ENKUR: variants seen among roughly 807,000 people sequenced by gnomAD.
ENKUR encodes the protein enkurin, TRPC channel interacting protein, also known as enkurin.
Under a neutral mutation model 27.6 loss-of-function variants are expected in ENKUR, and 19 were observed. The ratio of observed to expected loss-of-function variants is 0.69; its 90% CI spans 0.48 to 1.01. ENKUR has a LOEUF of 1.01. Among genes scored for constraint, ENKUR ranks in the 50% least tolerant of loss-of-function variants. The pLI, the probability that ENKUR is intolerant of heterozygous loss-of-function variation, is 0.00. For missense variants in ENKUR, 312 were observed against 310.5 expected, an observed-to-expected ratio of 1.00 and a Z score of -0.04; for synonymous variants, 117 against 96.9, an observed-to-expected ratio of 1.21 and a Z score of -1.22.
intron 1 of ENKUR, among the ~76,000 whole-genome samples, chr10:25,008,183 CATA>C (rs902748792): frequency 4.6e-5 from 7 of 151,994 alleles, no homozygotes; most frequent in Non-Finnish European, 8.8e-5. Context: ...TAACACTACT[CATA>C]ATACTAAGAG....
At chr10:25,028,249 C>T (rs1167481979) in intron 2 of ENKUR, among the ~76,000 whole-genome samples, 2 of 152,148 alleles carry the variant, frequency 1.3e-5, no homozygotes, top group Non-Finnish European at 2.9e-5. Context: ...CACTTTTTCT[C>T]AAAACCAACT....
intron 1 of ENKUR, among the ~76,000 whole-genome samples, chr10:25,003,989 A>C (rs1252340096): frequency 6.6e-6 from 1 of 152,230 alleles, no homozygotes; most frequent in Non-Finnish European, 1.5e-5. Flanking sequence ...GTATTACTGC[A>C]GCACTATTGT....
intron 2 of ENKUR, chr10:25,023,125 A>T: frequency 8.4e-7 from 1 of 1,184,676 alleles, no homozygotes; most frequent in Non-Finnish European, 1.2e-6. Flanking sequence ...TACTGTAATT[A>T]GTAACCAAAT....
chr10:25,015,894 G>C lies in ENKUR; in HGVS notation c.43C>G (p.Pro15Ala). Residue 15 changes from proline (P) to alanine (A), a missense_variant, in exon 1 of 6, where the codon CCC becomes GCC. Transcript: ENST00000331161. ...TGGGGAGGCTCCTTCAAGTCACTGGGTATGAGGTTATAAATGCACTCAGAA... is the reference window on the plus strand; with the variant it reads ...TGGGGAGGCTCCTTCAAGTCACTGGCTATGAGGTTATAAATGCACTCAGAA... ...CSSECIYNLI[P>A]SDLKEPPQPP... The C allele has an allele frequency of 6.2e-7, 1 of 1,607,588 alleles. No individual in the cohort carries two copies. Among genetic ancestry groups the C allele is most frequent in the Non-Finnish European group, 8.5e-7 (1 of 1,176,810 alleles).
chr10:24,988,957 T>C (rs1040313787), intron 4 of ENKUR, among the ~76,000 whole-genome samples: 7 of 151,724 alleles, frequency 4.6e-5, no homozygotes, highest in Non-Finnish European at 1.0e-4. Flanking sequence ...GCTCCCTGGC[T>C]CATAAGGCGT....
At chr10:25,044,816 C>T (rs1851104909) in intron 2 of ENKUR, among the ~76,000 whole-genome samples, 1 of 152,182 alleles carries the variant, frequency 6.6e-6, no homozygotes. Context: ...GGAGTCTTGC[C>T]TTGTACATGC....
chr10:24,992,878 C>T (rs944843970), intron 3 of ENKUR, among the ~76,000 whole-genome samples: 3 of 152,148 alleles, frequency 2.0e-5, no homozygotes, highest in Non-Finnish European at 4.4e-5. Flanking sequence ...TGAGACAGGC[C>T]AATCCACTTC....
chr10:25,003,742 G>A (rs905065360), intron 1 of ENKUR, among the ~76,000 whole-genome samples: 1 of 152,068 alleles, frequency 6.6e-6, no homozygotes, highest in African/African-American at 2.4e-5. Flanking sequence ...CATGCATTAC[G>A]GGGGTTTGTT....
At chr10:25,060,651 C>T (rs1292175609) in intron 2 of ENKUR, among the ~76,000 whole-genome samples, 1 of 152,134 alleles carries the variant, frequency 6.6e-6, no homozygotes, top group East Asian at 1.9e-4. Context: ...AGACTTCACT[C>T]TGTTGGCAGG....
chr10:25,061,078 G>A (rs1851320849), intron 2 of ENKUR: 1 of 1,534,432 alleles, frequency 6.5e-7, no homozygotes, highest in South Asian at 1.2e-5. Context: ...CTGCCCAGAT[G>A]CAAAACCTGT....
intron 2 of ENKUR, among the ~76,000 whole-genome samples, chr10:25,032,093 T>G (rs1245773355): frequency 2.6e-5 from 4 of 152,226 alleles, no homozygotes; most frequent in African/African-American, 7.2e-5. Flanking sequence ...CTCAAGTGTT[T>G]AGTGATCTTC....
At chr10:25,010,004 C>T (rs1275952588) in intron 1 of ENKUR, among the ~76,000 whole-genome samples, 1 of 152,072 alleles carries the variant, frequency 6.6e-6, no homozygotes, top group East Asian at 1.9e-4. Context: ...TGGGATGCTG[C>T]TATAAAGATA....
intron 1 of ENKUR, among the ~76,000 whole-genome samples, chr10:25,003,173 A>ATTTATTT (rs1564340693): frequency 4.1e-5 from 6 of 145,530 alleles, no homozygotes; most frequent in Admixed American, 1.4e-4. Flanking sequence ...TTAATTAATT[A>ATTTATTT]ATTAATTAAT....
chr10:25,036,079 C>T (rs1564354526), intron 2 of ENKUR, among the ~76,000 whole-genome samples: 1 of 152,076 alleles, frequency 6.6e-6, no homozygotes. Flanking sequence ...CATAGCATGG[C>T]CTGAGAAAGC....
chr10:25,025,707 G>A (rs929066508), intron 2 of ENKUR: 8 of 439,200 alleles, frequency 1.8e-5, no homozygotes, highest in Non-Finnish European at 3.4e-5. Flanking sequence ...CTGCTCATGA[G>A]GGGTGTATCA....
chr10:24,987,158 G>A (rs1188819302), intron 4 of ENKUR, among the ~76,000 whole-genome samples: 1 of 152,138 alleles, frequency 6.6e-6, no homozygotes, highest in East Asian at 1.9e-4. Flanking sequence ...GGTTCTAGCT[G>A]CATTCATCTG....
chr10:25,023,834 A>G, intron 2 of ENKUR: 1 of 1,614,212 alleles, frequency 6.2e-7, no homozygotes, highest in East Asian at 2.2e-5. Flanking sequence ...GTTTTCTGTG[A>G]AAGTGGGGCT....
rs1238874339 is a variant in ENKUR at position 24,990,602 on chromosome 10, C to T, written c.455G>A (p.Gly152Asp). ...VPKYINKKDYGVTPEYICKRN... is the reference protein window; with the variant it reads ...VPKYINKKDYDVTPEYICKRN... The stretch of plus-strand genomic sequence containing the variant: ...CTTACATATGTATTCAGGTGTGACA[C>T]CATAATCCTAAAAAGATTTTGCAGA... The change falls in exon 4 of 6, where the codon GGT becomes GAT. Residue 152 changes from glycine to aspartate, a missense_variant. Transcript: ENST00000331161. The T allele has an allele frequency of 1.9e-6, 3 of 1,593,502 alleles. No homozygotes were observed. Among genetic ancestry groups the T allele is most frequent in the Non-Finnish European group, 2.6e-6 (3 of 1,174,914 alleles).
Position 24,999,460 on chromosome 10 carries a change from T to A in ENKUR, c.164A>T (p.Glu55Val). Residue 55 changes from glutamate to valine, a missense_variant, in exon 2 of 6, where the codon GAA becomes GTA. By Grantham distance (121) the Glu-to-Val change is moderately radical. Coordinates refer to ENST00000331161, the MANE Select transcript of ENKUR (RefSeq NM_145010.4). ...TAGGAAATCCTTTGGAGAAGGTACTTCAACTTTTGCTGGTCCCATAGTTTT... is the reference window on the plus strand; with the variant it reads ...TAGGAAATCCTTTGGAGAAGGTACTACAACTTTTGCTGGTCCCATAGTTTT... ...AMKTMGPAKV[E>V]VPSPKDFLKK... 6.2e-7 allele frequency: 1 copy of A among 1,613,500 alleles called. No individual in the cohort carries two copies. The highest frequency in any genetic ancestry group is 1.1e-5 in the South Asian group (1 of 90,898).
Sources: allele counts gnomAD v4.1 joint callset (sites outside exome capture counted in the v4.1 genomes callset), GRCh38; gene constraint gnomAD v4.1.1; transcripts MANE v1.5; gene names NCBI Gene and HGNC (gene_info 2026-07-23, HGNC 2026-07-21).